Variants in BCOR observed in about 807,000 individuals in gnomAD.
The protein encoded by BCOR is BCL6 corepressor, also known as BCL-6 corepressor.
Under a neutral mutation model 86.7 loss-of-function variants are expected in BCOR, and 10 were observed. The ratio of observed to expected loss-of-function variants is 0.12; its 90% confidence interval spans 0.07 to 0.20. The LOEUF (loss-of-function observed/expected upper bound fraction) is 0.20. Ranked by LOEUF, BCOR falls within the 10% of genes least tolerant of loss-of-function variation. BCOR has a pLI of 1.00. For missense variants in BCOR, 1,259 were observed against 1,452.1 expected (o/e 0.87, Z 2.16); for synonymous variants, 611 against 609.0 (o/e 1.00, Z -0.05).
chrX:40,065,250 G>C (rs1469515917), intron 6 of BCOR, among the ~76,000 whole-genome samples: 1 of 112,512 alleles, frequency 8.9e-6, no homozygotes, highest in East Asian at 2.8e-4. Context: ...CTGCTGGGAA[G>C]AGGGGCGTGG....
At chrX:40,168,389 G>A (rs1187169882) in intron 1 of BCOR, among the ~76,000 whole-genome samples, 1 of 112,595 alleles carries the variant, frequency 8.9e-6, no homozygotes, top group African/African-American at 3.2e-5. Context: ...GAGAAGCCTC[G>A]GCCGAGCTGG....
At chrX:40,093,928 A>G (rs1209810025) in intron 1 of BCOR, among the ~76,000 whole-genome samples, 3 of 111,432 alleles carry the variant, frequency 2.7e-5, no homozygotes, top group African/African-American at 9.8e-5. Context: ...ACTGAGAAAT[A>G]CCTGGTCAAA....
chrX:40,128,659 C>A (rs1242576351), intron 1 of BCOR, among the ~76,000 whole-genome samples: 1 of 112,049 alleles, frequency 8.9e-6, no homozygotes, highest in African/African-American at 3.2e-5. Flanking sequence ...GACCACCTTG[C>A]CTGAATCATC....
intron 1 of BCOR, among the ~76,000 whole-genome samples, chrX:40,141,999 C>T (rs980778231): frequency 3.6e-5 from 4 of 111,896 alleles, no homozygotes; most frequent in Non-Finnish European, 7.5e-5. Flanking sequence ...GCCCCTTCAC[C>T]CACTGTCTTT....
At chrX:40,123,669 C>T (rs1171216061) in intron 1 of BCOR, among the ~76,000 whole-genome samples, 1 of 110,832 alleles carries the variant, frequency 9.0e-6, no homozygotes, top group Non-Finnish European at 1.9e-5. Context: ...TTTTCTTCCA[C>T]ACTTTCTGAT....
chrX:40,078,523 C>CA (rs1935923318), intron 1 of BCOR, among the ~76,000 whole-genome samples: 1 of 111,768 alleles, frequency 8.9e-6, no homozygotes, highest in Non-Finnish European at 1.9e-5. Flanking sequence ...GTCGTGTGTG[C>CA]AACTTACAGA....
intron 11 of BCOR, 62 bp from the exon 12 acceptor site, chrX:40,055,575 G>T (rs1402919730): frequency 1.7e-6 from 2 of 1,175,382 alleles, no homozygotes; most frequent in Non-Finnish European, 1.2e-6. Flanking sequence ...TAAAGCAGTT[G>T]TCTCCTTTAA....
chrX:40,168,133 C>G (rs1938541955), intron 1 of BCOR, among the ~76,000 whole-genome samples: 2 of 113,005 alleles, frequency 1.8e-5, no homozygotes. Flanking sequence ...CCGCGGCAGC[C>G]GCGTCCTTCC....
Position 40,073,386 on chromosome X carries a change from G to A in BCOR, c.1960C>T (p.Pro654Ser), listed in dbSNP as rs1277864433. Reference protein sequence around the residue: ...EAFRSPPIPYPRSYLPYPAPE... With the variant: ...EAFRSPPIPYSRSYLPYPAPE... ...GCTGGGTAAGGGAGGTAACTCCTGGGGTAGGGAATTGGTGGGGACCTGAAT... is the reference window on the plus strand; with the variant it reads ...GCTGGGTAAGGGAGGTAACTCCTGGAGTAGGGAATTGGTGGGGACCTGAAT... The change falls in exon 4 of 15, where the codon CCC becomes TCC. Residue 654 changes from proline (P) to serine (S), a missense_variant. Around this residue, in one of 7 missense-constraint regions of BCOR, gnomAD observed 534 missense variants for 594.8 expected, o/e 0.90. Transcript: ENST00000378444. The A allele has an allele frequency of 8.3e-7, 1 of 1,211,238 alleles. No homozygotes were observed. Among genetic ancestry groups the A allele is most frequent in the Non-Finnish European group, 1.1e-6 (1 of 895,413 alleles).
In BCOR at chrX:40,054,026, A is replaced by G. The variant is rs1459233016; in HGVS notation, c.4836T>C (p.Ser1612=). The G allele has an allele frequency of 3.3e-6, 4 of 1,209,806 alleles. No individual in the cohort carries two copies. Among genetic ancestry groups the G allele is most frequent in the Non-Finnish European group, 3.4e-6 (3 of 895,052 alleles). The change falls in exon 14 of 15, where the codon AGT becomes AGC. Residue 1612 remains serine, a synonymous_variant. Coordinates refer to ENST00000378444, the MANE Select transcript of BCOR (RefSeq NM_001123385.2). ...GSSVCEPDDE[S]GYDVLANPPG... The stretch of plus-strand genomic sequence containing the variant: ...GGGGGTTGGCTAAAACATCATAGCC[A>G]CTTTCATCATCTGGTTCTAATGGAG...
At chrX:40,113,178 CTTATTTATTTATTTAT>C (rs57583546) in intron 1 of BCOR, among the ~76,000 whole-genome samples, 10 of 101,544 alleles carry the variant, frequency 9.8e-5, no homozygotes, top group Non-Finnish European at 1.6e-4. Context: ...CTAGAAAGAT[CTTATTTATTTATTTAT>C]TTATTTATTT....
Position 40,052,199 on chromosome X carries a change from C to T in BCOR, c.5178G>A (p.Leu1726=). The T allele has an allele frequency of 1.7e-6, 2 of 1,211,121 alleles. No homozygotes were observed. Among genetic ancestry groups the T allele is most frequent in the Non-Finnish European group, 2.2e-6 (2 of 895,119 alleles). The change falls in exon 15 of 15, where the codon CTG becomes CTA. Residue 1726 remains leucine (L), a synonymous_variant. Coordinates refer to ENST00000378444, the MANE Select transcript of BCOR (RefSeq NM_001123385.2). ...TCTGAATTTCGTTCGTGAATTCCAC[C>T]AGATCTAACAGCTCCTTACTTTCAG... ...FNPESKELLD[L]VEFTNEIQTL...
Position 40,170,382 on chromosome X carries a change from G to A in BCOR, c.-41+6625C>T, listed in dbSNP as rs1043407410. 3.8e-5 allele frequency among the ~76,000 whole-genome samples: 4 copies of A among 106,495 alleles called. No homozygotes were observed. In the East Asian group the frequency reaches 1.2e-3, roughly 31 times the overall value. 92.5% of individuals were successfully genotyped at this position (106,495 alleles called of 115,157 possible). On this transcript the variant is annotated intron_variant, in intron 1 of 14. Coordinates refer to the BCOR transcript ENST00000342274. ...TTTTTTTTTTTTGAGACGGAGTTTCGCTCTTTTGCCCAGGCTGGAGTGAAG... is the reference window on the plus strand; with the variant it reads ...TTTTTTTTTTTTGAGACGGAGTTTCACTCTTTTGCCCAGGCTGGAGTGAAG...
In BCOR at chrX:40,155,654, A is replaced by G. The variant is rs760941708; in HGVS notation, c.-41+21353T>C. On this transcript the variant is annotated intron_variant, in intron 1 of 14. Coordinates refer to the BCOR transcript ENST00000342274. ...AGTAGGGAGGGGGTGTGGGGGGGGG[A>G]AAGACCCTCGCCGAGCGAGCGAGTC... is the stretch of plus-strand genomic sequence containing the variant. 2.9e-3 allele frequency among the ~76,000 whole-genome samples: 320 copies of G among 110,638 alleles called. 1 individual carries two copies. Among genetic ancestry groups the G allele is most frequent in the African/African-American group, 9.7e-3 (294 of 30,347 alleles).
At position 40,063,829 on chromosome X, in the gene BCOR, C is replaced by T. The variant is rs1422527923; in HGVS notation, c.3626G>A (p.Arg1209His). 5.8e-6 allele frequency: 7 copies of T among 1,211,661 alleles called. No individual in the cohort carries two copies. Among genetic ancestry groups the T allele is most frequent in the East Asian group, 3.0e-5 (1 of 33,831 alleles). Residue 1209 changes from arginine (R) to histidine (H), a missense_variant, in exon 8 of 15, where the codon CGC becomes CAC. Physicochemically the swap from Arg to His is conservative, Grantham distance 29 (BLOSUM62 0). Coordinates refer to ENST00000378444, the MANE Select transcript of BCOR (RefSeq NM_001123385.2). ...ELTGLHPKKQ[R>H]HLLHLRERWE... ...TCGTTCTCTAAGGTGCAGCAAGTGG[C>T]GTTGTTTTTTAGGATGGAGCCCTGT...
chrX:40,073,266 C>A lies in BCOR; in HGVS notation c.2080G>T (p.Gly694Trp). 8.3e-7 allele frequency: 1 copy of A among 1,211,438 alleles called. No homozygotes were observed. The highest frequency in any genetic ancestry group is 1.1e-6 in the Non-Finnish European group (1 of 895,167). Residue 694 changes from glycine to tryptophan, a missense_variant, in exon 4 of 15, where the codon GGG (glycine) becomes TGG (tryptophan). By Grantham distance (184) the Gly-to-Trp change is radical (BLOSUM62 -2). This residue lies in a region of BCOR where 534 missense variants were observed against 594.8 expected (regional missense o/e 0.90). Transcript: ENST00000378444. ...AGCCCAGGCTTTGGGGCAAGGTGCC[C>A]AGGAAACAGACTGCCATTGGGTAAC... ...VLLPNGSLFP[G>W]HLAPKPGLPY...
chrX:40,126,222 A>C (rs1413358949), intron 1 of BCOR, among the ~76,000 whole-genome samples: 1 of 104,520 alleles, frequency 9.6e-6, no homozygotes, highest in Non-Finnish European at 2.0e-5. Context: ...CTCAAAAAAA[A>C]AAAAAAAAAA....
chrX:40,147,404 G>A (rs910493916), intron 1 of BCOR, among the ~76,000 whole-genome samples: 5 of 112,760 alleles, frequency 4.4e-5, no homozygotes, highest in African/African-American at 1.3e-4. Flanking sequence ...TTGTTTTGGT[G>A]GAGCTAAACC....
intron 1 of BCOR, among the ~76,000 whole-genome samples, chrX:40,084,703 A>AC (rs1291008895): frequency 0.03 from 1,594 of 52,919 alleles, 72 homozygotes; most frequent in African/African-American, 0.13. Flanking sequence ...CGTCGCCGCC[A>AC]CCCCCCCCCA....
Sources: allele counts gnomAD v4.1 joint callset (sites outside exome capture counted in the v4.1 genomes callset), GRCh38; gene constraint gnomAD v4.1.1; regional missense constraint gnomAD v4.1.1; transcripts MANE v1.5; gene names NCBI Gene and HGNC (gene_info 2026-07-23, HGNC 2026-07-21).